USP34: variants seen among roughly 807,000 people sequenced by gnomAD.
The protein encoded by USP34 is ubiquitin carboxyl-terminal hydrolase 34.
Under a neutral mutation model 460.3 loss-of-function variants are expected in USP34, and 70 were observed. The observed-to-expected ratio is 0.15, with a 90% CI of 0.13 to 0.19. The LOEUF (loss-of-function observed/expected upper bound fraction) is 0.19, where lower values mean the gene tolerates loss of function less well. USP34 is among the 10% of genes least tolerant of loss of function. The pLI is 1.00. For missense variants in USP34, 3,985 were observed against 4,236.2 expected, an observed-to-expected ratio of 0.94 and a Z score of 1.65; for synonymous variants, 1,647 against 1,405.3, an observed-to-expected ratio of 1.17 and a Z score of -3.85.
Position 61,394,838 on chromosome 2 carries a change from CA to C in USP34, c.753+14del, listed in dbSNP as rs1258456316. ...ATTGCTCCCAAAATTAAGATCAATT[CA>C]AAACAATACTTACATTAGACACAAC... On this transcript the variant is annotated intron_variant, in intron 5 of 79. Coordinates refer to ENST00000398571, the MANE Select transcript of USP34 (RefSeq NM_014709.4). The C allele has an allele frequency of 1.3e-6, 2 of 1,515,658 alleles. No individual in the cohort carries two copies. Among genetic ancestry groups the C allele is most frequent in the Non-Finnish European group, 8.8e-7 (1 of 1,136,530 alleles). The allele number at this position is 1,515,658 out of a possible 1,614,324, so 93.9% of individuals were successfully genotyped here. A position where few individuals can be genotyped will look rare whatever the true frequency, so the allele number is the denominator to read the frequency against.
At chr2:61,356,622 A>G (rs529890630) in intron 10 of USP34, among the ~76,000 whole-genome samples, 1 of 152,234 alleles carries the variant, frequency 6.6e-6, no homozygotes, top group Non-Finnish European at 1.5e-5. Flanking sequence ...AAAAGGACAA[A>G]TATTTAATGA....
At chr2:61,459,543 G>C (rs770477718) in intron 1 of USP34, among the ~76,000 whole-genome samples, 1 of 152,128 alleles carries the variant, frequency 6.6e-6, no homozygotes, top group Non-Finnish European at 1.5e-5. Flanking sequence ...GGGAGGCCAA[G>C]ACGGGCGGAT....
intron 34 of USP34, among the ~76,000 whole-genome samples, chr2:61,285,486 CAAAAAAAAA>C (rs35055379): frequency 1.8e-5 from 2 of 108,492 alleles, no homozygotes; most frequent in African/African-American, 3.8e-5. Context: ...GAATCTGTCT[CAAAAAAAAA>C]AAAAAAAAAG....
At chr2:61,314,486 GA>G in intron 25 of USP34, 98 bp downstream of exon 25, 1 of 1,090,736 alleles carries the variant, frequency 9.2e-7, no homozygotes, top group Non-Finnish European at 1.2e-6. Context: ...CTTTCTACTT[GA>G]CCCCAACAAA....
At position 61,372,120 on chromosome 2, in the gene USP34, T is replaced by C. The variant is rs116987312; in HGVS notation, c.1077-1541A>G. On this transcript the variant is annotated intron_variant, in intron 8 of 79. Transcript: ENST00000398571. The stretch of plus-strand genomic sequence containing the variant: ...AAAAGGTCCCCAATTTTTTCAACTA[T>C]ATTATATACAGATAAACTGGAAAGA... Among the ~76,000 whole-genome samples the C allele has an allele frequency of 4.1e-4, 63 of 152,252 alleles. 1 individual carries two copies. The East Asian group carries it at 0.011, about 26-fold the overall frequency.
At chr2:61,388,823 T>G (rs931066761) in intron 5 of USP34, among the ~76,000 whole-genome samples, 2 of 151,958 alleles carry the variant, frequency 1.3e-5, no homozygotes, top group African/African-American at 4.8e-5. Flanking sequence ...ATAAGACATT[T>G]ACTTCTAGAT....
chr2:61,426,846 G>A (rs546407700), intron 1 of USP34, among the ~76,000 whole-genome samples: 1 of 152,334 alleles, frequency 6.6e-6, no homozygotes, highest in Admixed American at 6.5e-5. Context: ...CCAGCTTTAG[G>A]TGGCTCAGGA....
intron 75 of USP34, among the ~76,000 whole-genome samples, chr2:61,202,555 A>G (rs1436484251): frequency 6.6e-6 from 1 of 152,126 alleles, no homozygotes; most frequent in East Asian, 1.9e-4. Flanking sequence ...AGACAATATT[A>G]CTAAAGATAT....
In USP34 at chr2:61,317,703, T is replaced by C; in HGVS notation, c.3233A>G (p.Asn1078Ser). 1 of 1,614,124 alleles carries C rather than the reference T, an allele frequency of 6.2e-7. No individual in the cohort carries two copies. Among genetic ancestry groups the C allele is most frequent in the Non-Finnish European group, 8.5e-7 (1 of 1,180,016 alleles). ...GGCACTGGTAGCCAATCGAGCCAAG[T>C]TACAGAGATGCTGAAACAGGTTTAA... ...TGLNLFQHLC[N>S]LARLATSAYD... The change falls in exon 23 of 80, where the codon AAC (asparagine) becomes AGC (serine). Residue 1078 changes from asparagine (N) to serine (S), a missense_variant. By Grantham distance (46) the Asn-to-Ser change is conservative. This residue lies in a region of USP34 where 1,114 missense variants were observed against 1,122.5 expected (regional missense o/e 0.99). Transcript: ENST00000398571.
intron 35 of USP34, among the ~76,000 whole-genome samples, chr2:61,284,538 A>G (rs1331056887): frequency 6.6e-6 from 1 of 152,200 alleles, no homozygotes; most frequent in Non-Finnish European, 1.5e-5. Flanking sequence ...TCAATGTTAA[A>G]TTCTATAAAT....
Position 61,206,797 on chromosome 2 carries a change from C to T in USP34, c.9009G>A (p.Ser3003=), listed in dbSNP as rs752533158. 10 of 1,613,292 alleles carry T rather than the reference C, an allele frequency of 6.2e-6. No individual in the cohort carries two copies. The highest frequency in any genetic ancestry group is 3.3e-5 in the Admixed American group (2 of 59,924). The change falls in exon 71 of 80, where the codon TCG becomes TCA. Residue 3003 remains serine, a synonymous_variant. Coordinates refer to ENST00000398571, the MANE Select transcript of USP34 (RefSeq NM_014709.4). ...DLVELLSIFL[S]VLKSTRPYLQ... ...GATAAGGGCGTGTAGACTTCAAAAC[C>T]GAAAGAAATATTGACAGAAGTTCTA...
intron 67 of USP34, among the ~76,000 whole-genome samples, chr2:61,217,091 C>T (rs144363862): frequency 6.6e-6 from 1 of 152,148 alleles, no homozygotes; most frequent in African/African-American, 2.4e-5. Context: ...TACCTAACCA[C>T]CTCTTCTTTT....
chr2:61,303,545 A>C (rs1690296232), intron 27 of USP34, among the ~76,000 whole-genome samples: 1 of 152,220 alleles, frequency 6.6e-6, no homozygotes, highest in South Asian at 2.1e-4. Flanking sequence ...CTTATGAAGC[A>C]GCGTATTCAT....
At chr2:61,223,577 T>A in intron 62 of USP34, 1 of 281,694 alleles carries the variant, frequency 3.5e-6, no homozygotes, top group South Asian at 7.3e-5. Context: ...TACTTACTTT[T>A]TTTTTTTTTT....
chr2:61,277,949 C>A, intron 41 of USP34: 1 of 519,928 alleles, frequency 1.9e-6, no homozygotes, highest in Non-Finnish European at 3.3e-6. Flanking sequence ...ACATAAGATG[C>A]GACTTGCTCG....
rs1354454320 is a variant in USP34, at chr2:61,311,847, T to C, written c.3606A>G (p.Ala1202=). The C allele has an allele frequency of 2.5e-6, 4 of 1,613,962 alleles. No homozygotes were observed. The highest frequency in any genetic ancestry group is 1.6e-4 in the Middle Eastern group (1 of 6,084). ...GCGGCAGAGACTGTTTGTCACTCAGTGCTTTCAAATGACTACTAATACCAG... is the reference window on the plus strand; with the variant it reads ...GCGGCAGAGACTGTTTGTCACTCAGCGCTTTCAAATGACTACTAATACCAG... ...EGTGISSHLK[A]LSDKQSLPLR... Residue 1202 remains alanine, a synonymous_variant, in exon 26 of 80, where the codon GCA becomes GCG. Transcript: ENST00000398571.
At chr2:61,268,791 C>T (rs1266327080) in intron 41 of USP34, among the ~76,000 whole-genome samples, 2 of 152,076 alleles carry the variant, frequency 1.3e-5, no homozygotes, top group Admixed American at 1.3e-4. Context: ...ATGAACACTA[C>T]CATTCTAGCT....
At chr2:61,200,566 A>T (rs1330904809) in intron 75 of USP34, 1 of 152,326 alleles carries the variant, frequency 6.6e-6, no homozygotes. Flanking sequence ...ACTTTTCCTC[A>T]TAACTGGAAA....
rs374248644 is a variant in USP34 at position 61,380,163 on chromosome 2, G to T, written c.1014+6C>A. 62 of 1,608,512 alleles carry T rather than the reference G, an allele frequency of 3.9e-5. No individual in the cohort carries two copies. Among genetic ancestry groups the T allele is most frequent in the Non-Finnish European group, 4.8e-5 (57 of 1,176,660 alleles). On this transcript the variant is annotated splice_donor_region_variant and intron_variant, in intron 7 of 79. Transcript: ENST00000398571. Reference sequence around the variant, plus strand: ...GATGACCAAAAATAAAACAAATACAGCTTACTGTTATCTGACTCAATCCAG... The same window carrying T: ...GATGACCAAAAATAAAACAAATACATCTTACTGTTATCTGACTCAATCCAG...
Sources: allele counts gnomAD v4.1 joint callset (sites outside exome capture counted in the v4.1 genomes callset), GRCh38; gene constraint gnomAD v4.1.1; regional missense constraint gnomAD v4.1.1; transcripts MANE v1.5; gene names NCBI Gene and HGNC (gene_info 2026-07-23, HGNC 2026-07-21).